Variants in LRRTM4 observed in about 807,000 individuals in gnomAD.
The protein encoded by LRRTM4 is leucine rich repeat transmembrane neuronal 4.
In LRRTM4, 25 loss-of-function variants were observed where a neutral mutation model predicts 47.6. The ratio of observed to expected loss-of-function variants is 0.53; its 90% confidence interval spans 0.38 to 0.73. The LOEUF is 0.73. Ranked by LOEUF, LRRTM4 falls within the 30% of genes least tolerant of loss-of-function variation. The pLI is 0.00. For synonymous variants in LRRTM4, 311 were observed against 269.5 expected (o/e 1.15, Z -1.51); for missense variants, 638 against 713.4 (o/e 0.89, Z 1.20).
chr2:77,101,320 A>G (rs2103911380), intron 3 of LRRTM4, among the ~76,000 whole-genome samples: 2 of 152,312 alleles, frequency 1.3e-5, no homozygotes, highest in Middle Eastern at 3.4e-3. Context: ...TCTGAGGAAT[A>G]ATTATATTCT....
chr2:77,010,714 T>C (rs1677841129), intron 3 of LRRTM4, among the ~76,000 whole-genome samples: 1 of 152,144 alleles, frequency 6.6e-6, no homozygotes, highest in Admixed American at 6.6e-5. Context: ...CCTTCTTTTC[T>C]CTGCCCAGGA....
At chr2:76,990,767 C>A (rs1676976760) in intron 3 of LRRTM4, among the ~76,000 whole-genome samples, 1 of 151,608 alleles carries the variant, frequency 6.6e-6, no homozygotes, top group South Asian at 2.1e-4. Flanking sequence ...CTAAGAAATT[C>A]TGAACTTAAA....
At chr2:77,369,719 A>G (rs981822525) in intron 3 of LRRTM4, among the ~76,000 whole-genome samples, 1 of 151,718 alleles carries the variant, frequency 6.6e-6, no homozygotes, top group Non-Finnish European at 1.5e-5. Context: ...ACAAACCTAA[A>G]TGGTAGAGCC....
intron 3 of LRRTM4, among the ~76,000 whole-genome samples, chr2:77,272,727 C>T (rs1391120847): frequency 6.6e-6 from 1 of 152,062 alleles, no homozygotes; most frequent in Non-Finnish European, 1.5e-5. Context: ...TGAATTCTCA[C>T]TCTATTTGAT....
At chr2:76,821,036 G>C (rs1671039364) in intron 3 of LRRTM4, among the ~76,000 whole-genome samples, 1 of 151,478 alleles carries the variant, frequency 6.6e-6, no homozygotes, top group African/African-American at 2.4e-5. Flanking sequence ...ACTGTGCAAG[G>C]GTCTATATTC....
chr2:77,186,704 C>T (rs746990364), intron 3 of LRRTM4, among the ~76,000 whole-genome samples: 1 of 152,072 alleles, frequency 6.6e-6, no homozygotes, highest in Non-Finnish European at 1.5e-5. Flanking sequence ...CTGTGTGATG[C>T]TTCTATGATA....
At chr2:77,157,020 C>G (rs181028194) in intron 3 of LRRTM4, among the ~76,000 whole-genome samples, 58 of 151,814 alleles carry the variant, frequency 3.8e-4, no homozygotes, top group African/African-American at 1.3e-3. Flanking sequence ...ACAGTAATAA[C>G]AATTGTTATT....
At chr2:77,257,898 C>G (rs1423358159) in intron 3 of LRRTM4, among the ~76,000 whole-genome samples, 1 of 151,854 alleles carries the variant, frequency 6.6e-6, no homozygotes, top group African/African-American at 2.4e-5. Flanking sequence ...AGTTCGAGAC[C>G]AGCCTGACCA....
chr2:77,003,951 C>T (rs1206202199), intron 3 of LRRTM4, among the ~76,000 whole-genome samples: 1 of 152,148 alleles, frequency 6.6e-6, no homozygotes, highest in Non-Finnish European at 1.5e-5. Context: ...GGAGCTGGAA[C>T]AAAGGTCACT....
At chr2:77,090,058 T>C (rs1046995529) in intron 3 of LRRTM4, among the ~76,000 whole-genome samples, 1 of 152,114 alleles carries the variant, frequency 6.6e-6, no homozygotes, top group Non-Finnish European at 1.5e-5. Context: ...CTCCCCAGGC[T>C]GCTCCTCGCC....
At chr2:77,279,515 G>A (rs1002751182) in intron 3 of LRRTM4, among the ~76,000 whole-genome samples, 1 of 151,736 alleles carries the variant, frequency 6.6e-6, no homozygotes, top group African/African-American at 2.4e-5. Flanking sequence ...TTGTTGTTTA[G>A]CCATTATAAA....
intron 3 of LRRTM4, among the ~76,000 whole-genome samples, chr2:77,337,482 G>C (rs1671208173): frequency 6.6e-6 from 1 of 152,070 alleles, no homozygotes; most frequent in African/African-American, 2.4e-5. Flanking sequence ...TGTTGAGGAA[G>C]GGACCTGGTA....
intron 3 of LRRTM4, among the ~76,000 whole-genome samples, chr2:76,930,710 C>T (rs1256721964): frequency 6.6e-6 from 1 of 152,062 alleles, no homozygotes; most frequent in East Asian, 1.9e-4. Flanking sequence ...GAGTTAGAAG[C>T]CTGGATTAGT....
chr2:77,299,237 CTCTCTTTATCTATATATATAT>C (rs1450263891), intron 3 of LRRTM4, among the ~76,000 whole-genome samples: 3 of 130,058 alleles, frequency 2.3e-5, no homozygotes, highest in African/African-American at 1.0e-4. Context: ...CAATCTCTCT[CTCTCTTTATCTATATATATAT>C]ACACACACAC....
intron 3 of LRRTM4, among the ~76,000 whole-genome samples, chr2:76,793,342 T>G (rs1675079899): frequency 6.6e-6 from 1 of 152,126 alleles, no homozygotes; most frequent in African/African-American, 2.4e-5. Flanking sequence ...CAGAGTTGAG[T>G]AGATGGGACA....
rs548386257 is a variant in LRRTM4, at chr2:77,140,583, A to C, written c.1551+377735T>G. ...GGCATGGGCAAGGACTTCATGACTA[A>C]AACACCAAAAGCAATGGCAACAAAA... On this transcript the variant is annotated intron_variant, in intron 3 of 3. Transcript: ENST00000409884. Among the ~76,000 whole-genome samples, 323 of 151,018 alleles carry C rather than the reference A, an allele frequency of 2.1e-3. 1 individual carries two copies. The highest frequency in any genetic ancestry group is 7.6e-3 in the African/African-American group (311 of 40,938).
intron 3 of LRRTM4, among the ~76,000 whole-genome samples, chr2:77,017,213 T>C (rs924520047): frequency 7.2e-5 from 11 of 152,144 alleles, no homozygotes; most frequent in Admixed American, 6.5e-4. Flanking sequence ...GCAAAGACAT[T>C]TTAACTAAGG....
intron 3 of LRRTM4, among the ~76,000 whole-genome samples, chr2:76,774,339 G>A (rs750713411): frequency 9.2e-5 from 14 of 151,558 alleles, no homozygotes; most frequent in South Asian, 2.1e-4. Flanking sequence ...TTACAGGCAC[G>A]TGCCACCACT....
intron 3 of LRRTM4, among the ~76,000 whole-genome samples, chr2:76,864,828 G>A (rs1672419568): frequency 7.4e-6 from 1 of 134,590 alleles, no homozygotes; most frequent in South Asian, 2.5e-4. Flanking sequence ...CCGGGCTCAA[G>A]TGATTCTCCC....
Sources: gnomAD v4.1 joint callset for allele counts (sites outside exome capture counted in the v4.1 genomes callset) on GRCh38, gnomAD v4.1.1 for gene constraint, MANE v1.5 for transcripts, NCBI Gene and HGNC (gene_info 2026-07-23, HGNC 2026-07-21) for gene names.